CDKAL1: variants seen among roughly 807,000 people sequenced by gnomAD.
The protein encoded by CDKAL1 is threonylcarbamoyladenosine tRNA methylthiotransferase.
In CDKAL1, 32 loss-of-function variants were observed where a neutral mutation model predicts 68.2. The observed-to-expected ratio is 0.47, with a 90% CI of 0.35 to 0.63. CDKAL1 has a LOEUF of 0.63. Ranked by LOEUF, CDKAL1 falls within the 30% of genes least tolerant of loss-of-function variation. CDKAL1 has a pLI of 0.00. For missense variants in CDKAL1, 606 were observed against 696.7 expected (o/e 0.87, Z 1.47); for synonymous variants, 234 against 244.3 (o/e 0.96, Z 0.39).
chr6:20,964,199 A>G (rs776819812), intron 10 of CDKAL1, among the ~76,000 whole-genome samples: 5 of 152,246 alleles, frequency 3.3e-5, no homozygotes, highest in Admixed American at 1.3e-4. Context: ...GAATGCTTAT[A>G]CACTGTGGAT....
intron 4 of CDKAL1, among the ~76,000 whole-genome samples, chr6:20,570,260 C>T (rs534279789): frequency 1.3e-4 from 19 of 151,504 alleles, no homozygotes; most frequent in South Asian, 2.1e-4. Flanking sequence ...TATGACACCA[C>T]GCCCAGCTAA....
chr6:20,713,698 T>C (rs1581430013), intron 5 of CDKAL1, among the ~76,000 whole-genome samples: 1 of 152,158 alleles, frequency 6.6e-6, no homozygotes, highest in African/African-American at 2.4e-5. Flanking sequence ...TTTTTCTTTT[T>C]TTTCTTGTTA....
At chr6:21,016,344 C>T (rs780195028) in intron 11 of CDKAL1, among the ~76,000 whole-genome samples, 1 of 152,044 alleles carries the variant, frequency 6.6e-6, no homozygotes, top group South Asian at 2.1e-4. Context: ...GTACTTCACT[C>T]TTCCTCACTG....
chr6:21,175,340 T>C (rs202231093), intron 13 of CDKAL1, among the ~76,000 whole-genome samples: 6 of 152,226 alleles, frequency 3.9e-5, no homozygotes, highest in South Asian at 2.1e-4. Flanking sequence ...ATAAAATCTA[T>C]TTACTAAATT....
At chr6:20,739,638 A>G (rs1773357909) in intron 6 of CDKAL1, 23 bp downstream of exon 6, 2 of 1,399,792 alleles carry the variant, frequency 1.4e-6, no homozygotes, top group African/African-American at 1.4e-5. Flanking sequence ...CTGATGCAAA[A>G]AGAGAAAATC....
At chr6:20,653,824 G>A (rs188618204) in intron 5 of CDKAL1, among the ~76,000 whole-genome samples, 1 of 152,136 alleles carries the variant, frequency 6.6e-6, no homozygotes, top group African/African-American at 2.4e-5. Context: ...TGTTGGCCAG[G>A]ATGATCTCAA....
chr6:21,091,168 C>T (rs182317312), intron 12 of CDKAL1, among the ~76,000 whole-genome samples: 47 of 152,264 alleles, frequency 3.1e-4, no homozygotes, highest in Non-Finnish European at 5.6e-4. Flanking sequence ...TCTCTCAAAT[C>T]CTGCCAAAAT....
chr6:20,601,910 T>C (rs948936294), intron 4 of CDKAL1, among the ~76,000 whole-genome samples: 3 of 152,152 alleles, frequency 2.0e-5, no homozygotes, highest in African/African-American at 7.2e-5. Flanking sequence ...GTAGTTGTTA[T>C]TGGCTTGCTA....
intron 13 of CDKAL1, among the ~76,000 whole-genome samples, chr6:21,149,202 C>T (rs1216646058): frequency 6.6e-6 from 1 of 151,988 alleles, no homozygotes; most frequent in Non-Finnish European, 1.5e-5. Context: ...TGCAGTGGCA[C>T]AATCTCAGCT....
At chr6:20,534,826 G>T (rs1055629815) in intron 1 of CDKAL1, among the ~76,000 whole-genome samples, 1 of 152,134 alleles carries the variant, frequency 6.6e-6, no homozygotes, top group East Asian at 1.9e-4. Context: ...TTATTGTCAG[G>T]TTTAACTTCA....
chr6:20,630,748 T>C (rs766639826), intron 4 of CDKAL1, among the ~76,000 whole-genome samples: 5 of 152,280 alleles, frequency 3.3e-5, no homozygotes, highest in South Asian at 2.1e-4. Context: ...GTTCAGCCTG[T>C]AGAGCCAAAG....
chr6:21,078,245 C>A (rs1362880014), intron 12 of CDKAL1, among the ~76,000 whole-genome samples: 2 of 152,154 alleles, frequency 1.3e-5, no homozygotes, highest in Non-Finnish European at 2.9e-5. Context: ...CTTTTCGAGA[C>A]AGCTAAATTA....
At position 21,209,348 on chromosome 6, in the gene CDKAL1, C is replaced by T. The variant is rs375202844; in HGVS notation, c.1548+8074C>T. Reference sequence around the variant, plus strand: ...ACGTGGACCGACTTCCCTAGCTAAGCGCTAAGGAAAAGAACCAGGCCCCCG... The same window carrying T: ...ACGTGGACCGACTTCCCTAGCTAAGTGCTAAGGAAAAGAACCAGGCCCCCG... On this transcript the variant is annotated intron_variant, in intron 15 of 15. Coordinates refer to ENST00000274695, the MANE Select transcript of CDKAL1 (RefSeq NM_017774.3). Among the ~76,000 whole-genome samples the T allele has an allele frequency of 7.2e-4, 110 of 152,246 alleles. 1 individual carries two copies. Among genetic ancestry groups the T allele is most frequent in the Middle Eastern group, 6.8e-3 (2 of 294 alleles).
chr6:20,557,028 C>T (rs1251615722), intron 4 of CDKAL1, among the ~76,000 whole-genome samples: 2 of 113,388 alleles, frequency 1.8e-5, no homozygotes, highest in East Asian at 2.8e-4. Flanking sequence ...ACAGAAAGAA[C>T]GAGTCTCCAT....
chr6:21,080,137 C>G (rs1187365343), intron 12 of CDKAL1, among the ~76,000 whole-genome samples: 2 of 150,962 alleles, frequency 1.3e-5, no homozygotes. Flanking sequence ...TCCACTGTCA[C>G]ACTAACAAAA....
At chr6:20,691,881 A>C (rs568388698) in intron 5 of CDKAL1, among the ~76,000 whole-genome samples, 3 of 151,940 alleles carry the variant, frequency 2.0e-5, no homozygotes, top group African/African-American at 7.3e-5. Flanking sequence ...TTTCATTTCT[A>C]TTTTATATAT....
At chr6:20,537,627 A>AG (rs1763227940) in intron 2 of CDKAL1, among the ~76,000 whole-genome samples, 1 of 151,860 alleles carries the variant, frequency 6.6e-6, no homozygotes, top group South Asian at 2.1e-4. Context: ...AAAAAAAAAA[A>AG]AAAAGCCTCC....
intron 13 of CDKAL1, among the ~76,000 whole-genome samples, chr6:21,132,747 A>G (rs188159596): frequency 2.4e-4 from 37 of 152,296 alleles, no homozygotes; most frequent in Non-Finnish European, 4.4e-4. Context: ...CTCTTCTGGA[A>G]GAAATTGTAT....
intron 9 of CDKAL1, among the ~76,000 whole-genome samples, chr6:20,923,828 A>G (rs371390257): frequency 2.6e-5 from 4 of 152,262 alleles, no homozygotes; most frequent in East Asian, 3.9e-4. Flanking sequence ...CCTGGGCAAC[A>G]TGGTGAAACC....
Sources: allele counts gnomAD v4.1 joint callset (sites outside exome capture counted in the v4.1 genomes callset), GRCh38; gene constraint gnomAD v4.1.1; transcripts MANE v1.5; gene names NCBI Gene and HGNC (gene_info 2026-07-23, HGNC 2026-07-21).